PRKCE: variants seen among roughly 807,000 people sequenced by gnomAD.
PRKCE encodes the protein protein kinase C epsilon type.
A neutral mutation model predicts 85.4 loss-of-function variants in PRKCE; 16 were observed. The ratio of observed to expected loss-of-function variants is 0.19; its 90% CI spans 0.13 to 0.28. The LOEUF is 0.28. PRKCE is among the 10% of genes least tolerant of loss of function. PRKCE has a pLI of 1.00. For missense variants in PRKCE, 573 were observed against 975.2 expected, an observed-to-expected ratio of 0.59 and a Z score of 5.49; for synonymous variants, 388 against 371.5, an observed-to-expected ratio of 1.04 and a Z score of -0.51.
intron 13 of PRKCE, among the ~76,000 whole-genome samples, chr2:46,154,312 G>C (rs1442025484): frequency 1.3e-5 from 2 of 152,060 alleles, no homozygotes; most frequent in African/African-American, 2.4e-5. Context: ...TCTTATTTAG[G>C]GATACTAGTT....
intron 2 of PRKCE, among the ~76,000 whole-genome samples, chr2:45,950,556 C>CT (rs11431511): frequency 0.74 from 111,881 of 151,960 alleles, 41,754 homozygotes; most frequent in Middle Eastern, 0.85. Context: ...GAGAAAATAA[C>CT]TTCAAGGTCA....
At chr2:45,741,218 A>G (rs1468121726) in intron 1 of PRKCE, among the ~76,000 whole-genome samples, 1 of 152,220 alleles carries the variant, frequency 6.6e-6, no homozygotes, top group African/African-American at 2.4e-5. Context: ...ATCTGGAGCC[A>G]GGGTGGACCT....
chr2:46,055,450 T>G (rs1039381373), intron 10 of PRKCE, among the ~76,000 whole-genome samples: 4 of 152,238 alleles, frequency 2.6e-5, no homozygotes, highest in African/African-American at 9.6e-5. Flanking sequence ...TGAAATACCC[T>G]GGTTCAATTC....
intron 2 of PRKCE, among the ~76,000 whole-genome samples, chr2:45,863,871 C>T (rs151087588): frequency 9.3e-4 from 142 of 152,216 alleles, no homozygotes; most frequent in Middle Eastern, 3.4e-3. Flanking sequence ...GTGCGCCTGG[C>T]TGCACTGGAG....
intron 2 of PRKCE, among the ~76,000 whole-genome samples, chr2:45,929,926 C>A (rs1163711023): frequency 1.3e-5 from 2 of 152,334 alleles, no homozygotes; most frequent in Middle Eastern, 3.4e-3. Flanking sequence ...TGTCAAATTT[C>A]TCTAATGCCC....
chr2:45,773,088 G>A (rs925939674), intron 1 of PRKCE, among the ~76,000 whole-genome samples: 6 of 152,176 alleles, frequency 3.9e-5, no homozygotes, highest in African/African-American at 1.4e-4. Flanking sequence ...CTTAGGCACT[G>A]GCTGCATAGC....
intron 1 of PRKCE, among the ~76,000 whole-genome samples, chr2:45,669,089 A>C (rs963467330): frequency 6.6e-6 from 1 of 152,202 alleles, no homozygotes; most frequent in African/African-American, 2.4e-5. Flanking sequence ...CTTGTGTCTT[A>C]GAAGCCCACC....
At chr2:45,849,910 A>G (rs865800691) in intron 2 of PRKCE, among the ~76,000 whole-genome samples, 1 of 152,176 alleles carries the variant, frequency 6.6e-6, no homozygotes, top group African/African-American at 2.4e-5. Context: ...AGAAGTGACT[A>G]TATGCACCAG....
At chr2:45,723,558 G>T (rs941030716) in intron 1 of PRKCE, among the ~76,000 whole-genome samples, 1 of 152,112 alleles carries the variant, frequency 6.6e-6, no homozygotes, top group South Asian at 2.1e-4. Flanking sequence ...TGGATTCTCT[G>T]CTACTCAGGA....
intron 14 of PRKCE, among the ~76,000 whole-genome samples, chr2:46,168,759 A>T (rs978897971): frequency 6.6e-6 from 1 of 152,182 alleles, no homozygotes; most frequent in African/African-American, 2.4e-5. Context: ...CTGCCTTTCA[A>T]GGTTTGAGGA....
intron 10 of PRKCE, among the ~76,000 whole-genome samples, chr2:46,053,358 T>C (rs1708972649): frequency 6.6e-6 from 1 of 152,196 alleles, no homozygotes; most frequent in Non-Finnish European, 1.5e-5. Context: ...ATAGGTAAAA[T>C]TTACCATCTT....
intron 2 of PRKCE, among the ~76,000 whole-genome samples, chr2:45,867,037 G>C (rs1693672358): frequency 6.6e-6 from 1 of 152,208 alleles, no homozygotes; most frequent in Non-Finnish European, 1.5e-5. Context: ...CCTTAGGGGT[G>C]GGGTCCAGGC....
At chr2:45,959,403 A>T (rs1192701274) in intron 2 of PRKCE, among the ~76,000 whole-genome samples, 1 of 152,242 alleles carries the variant, frequency 6.6e-6, no homozygotes, top group Non-Finnish European at 1.5e-5. Flanking sequence ...ACACAGATGC[A>T]TGAGAGTTGA....
At chr2:45,979,057 C>A in intron 4 of PRKCE, 47 bp downstream of exon 4, 1 of 1,568,420 alleles carries the variant, frequency 6.4e-7, no homozygotes, top group Non-Finnish European at 8.7e-7. Flanking sequence ...GTGGTTAGAT[C>A]CAGATCACTG....
rs72872491 is a variant in PRKCE, at chr2:45,862,936, C to T, written c.412+19873C>T. 8.9e-3 allele frequency among the ~76,000 whole-genome samples: 1,360 copies of T among 152,302 alleles called. 26 individuals are homozygous for T. The highest frequency in any genetic ancestry group is 0.031 in the African/African-American group (1,296 of 41,558). On this transcript the variant is annotated intron_variant, in intron 2 of 14. Coordinates refer to ENST00000306156, the MANE Select transcript of PRKCE (RefSeq NM_005400.3). ...AGATCAGGGCCTTCTGGCTGAGATC[C>T]ATTTTGAAAAACAGCCTTACTCACT...
intron 1 of PRKCE, among the ~76,000 whole-genome samples, chr2:45,798,314 A>G (rs774003738): frequency 3.9e-5 from 6 of 152,260 alleles, no homozygotes; most frequent in Non-Finnish European, 4.4e-5. Context: ...TTAGAGATAT[A>G]GAAACTGAGG....
intron 11 of PRKCE, among the ~76,000 whole-genome samples, chr2:46,140,195 C>A (rs781624288): frequency 1.3e-5 from 2 of 152,046 alleles, no homozygotes; most frequent in South Asian, 4.2e-4. Flanking sequence ...TTTAACTAGA[C>A]AAATGATTCT....
chr2:45,675,190 G>A (rs1462124229), intron 1 of PRKCE: 1 of 152,148 alleles, frequency 6.6e-6, no homozygotes, highest in Non-Finnish European at 1.5e-5. Context: ...AATAGCACAA[G>A]AAAACACTCT....
At chr2:45,843,210 T>C in intron 2 of PRKCE, 147 bp downstream of exon 2, 1 of 756,814 alleles carries the variant, frequency 1.3e-6, no homozygotes, top group Non-Finnish European at 2.2e-6. Flanking sequence ...TTGAAGATGC[T>C]TACGCCTGTG....
Sources: allele counts gnomAD v4.1 joint callset (sites outside exome capture counted in the v4.1 genomes callset), GRCh38; gene constraint gnomAD v4.1.1; transcripts MANE v1.5; gene names NCBI Gene and HGNC (gene_info 2026-07-23, HGNC 2026-07-21).